The following HMCN1 variants were observed in gnomAD, a reference collection of about 807,000 sequenced individuals.
The protein encoded by HMCN1 is hemicentin 1, also known as hemicentin-1.
Under a neutral mutation model 625.9 loss-of-function variants are expected in HMCN1, and 321 were observed. That is an observed-to-expected ratio of 0.51 (90% CI 0.47 to 0.56). HMCN1 has a LOEUF of 0.56. Among genes scored for constraint, HMCN1 ranks in the 20% least tolerant of loss-of-function variants. The pLI is 0.00. For missense variants in HMCN1, 6,588 were observed against 6,887.3 expected (o/e 0.96, Z 1.54); for synonymous variants, 2,425 against 2,417.6 (o/e 1.00, Z -0.09).
intron 106 of HMCN1, 124 bp downstream of exon 106, chr1:186,188,133 T>A: frequency 8.5e-7 from 1 of 1,173,320 alleles, no homozygotes; most frequent in East Asian, 2.3e-5. Flanking sequence ...CAGGAAGATG[T>A]GGGGTTACAG....
Position 186,093,216 on chromosome 1 carries a change from C to T in HMCN1, c.9970C>T (p.Pro3324Ser), listed in dbSNP as rs752518224. The part of the protein sequence containing the change: ...TGKYTCVATN[P>S]AGEEDRIFNL... ...GAAATACACATGTGTTGCTACTAAT[C>T]CCGCTGGAGAAGAAGACCGAATTTT... Residue 3324 changes from proline to serine, a missense_variant, in exon 65 of 107, where the codon CCC (proline) becomes TCC (serine). By Grantham distance (74) the Pro-to-Ser change is moderately conservative. Coordinates refer to ENST00000271588, the MANE Select transcript of HMCN1 (RefSeq NM_031935.3). The T allele has an allele frequency of 2.7e-5, 43 of 1,613,164 alleles. 1 individual carries two copies. The South Asian group carries it at 4.0e-4, about 15-fold the overall frequency.
Position 185,925,072 on chromosome 1 carries a change from G to GA in HMCN1, c.1315dup (p.Thr439AsnfsTer16). On this transcript the variant is annotated frameshift_variant, in exon 9 of 107. Transcript: ENST00000271588. LOFTEE classifies it high-confidence loss of function. The stretch of plus-strand genomic sequence containing the variant: ...ATGCTCCCAAAGTTACGATGCCTGA[G>GA]AAAACCCCAGGATACTATCTGCAGC... The GA allele has an allele frequency of 6.2e-7, 1 of 1,613,424 alleles. No individual in the cohort carries two copies. Among genetic ancestry groups the GA allele is most frequent in the South Asian group, 1.1e-5 (1 of 91,046 alleles).
At chr1:186,103,373 C>T in intron 68 of HMCN1, 99 bp from the exon 69 acceptor site, 1 of 932,824 alleles carries the variant, frequency 1.1e-6, no homozygotes, top group South Asian at 1.4e-5. Flanking sequence ...CAATTTTTAT[C>T]ATGTGAATGT....
chr1:186,112,993 G>T, intron 72 of HMCN1, 40 bp downstream of exon 72: 1 of 1,607,908 alleles, frequency 6.2e-7, no homozygotes, highest in South Asian at 1.1e-5. Flanking sequence ...TTAAAAATCT[G>T]ACCAAGGGCA....
rs368506851 is a variant in HMCN1 at position 186,136,816 on chromosome 1, C to G, written c.13461C>G (p.Asn4487Lys). 10 of 1,614,018 alleles carry G rather than the reference C, an allele frequency of 6.2e-6. No homozygotes were observed. Among genetic ancestry groups the G allele is most frequent in the Non-Finnish European group, 8.5e-6 (10 of 1,179,960 alleles). The change falls in exon 87 of 107, where the codon AAC becomes AAG. Residue 4487 changes from asparagine (N) to lysine (K), a missense_variant. By Grantham distance (94) the Asn-to-Lys change is moderately conservative. Around this residue, in one of 3 missense-constraint regions of HMCN1, gnomAD observed 1,954 missense variants for 2,013.1 expected, o/e 0.97. Transcript: ENST00000271588. ...GHSISWDDRV[N>K]VLSNNSLYIA... ...CTATTTCCTGGGATGACCGGGTTAA[C>G]GTGTTGTCCAACAACTCATTATATA... is the stretch of plus-strand genomic sequence containing the variant.
chr1:185,999,956 C>A, intron 25 of HMCN1, 89 bp from the exon 26 acceptor site: 1 of 916,100 alleles, frequency 1.1e-6, no homozygotes, highest in South Asian at 1.6e-5. Flanking sequence ...ATTGTCATAA[C>A]AAAAACTTTA....
At chr1:185,827,443 G>T (rs1660594359) in intron 1 of HMCN1, among the ~76,000 whole-genome samples, 1 of 151,988 alleles carries the variant, frequency 6.6e-6, no homozygotes, top group Admixed American at 6.6e-5. Flanking sequence ...CAAAGAAATG[G>T]ACAGGAAAAA....
At chr1:185,947,082 A>G (rs544151695) in intron 11 of HMCN1, among the ~76,000 whole-genome samples, 1 of 152,244 alleles carries the variant, frequency 6.6e-6, no homozygotes, top group Non-Finnish European at 1.5e-5. Context: ...GGGGCGGGTA[A>G]ATCCAGCATA....
In HMCN1 at chr1:186,103,651, C is replaced by T. The variant is rs748287658; in HGVS notation, c.10753C>T (p.Arg3585Ter). Residue 3585 changes from arginine (R) to a stop codon, truncating the protein, a stop_gained, in exon 69 of 107, where the codon CGA becomes TGA. Coordinates refer to ENST00000271588, the MANE Select transcript of HMCN1 (RefSeq NM_031935.3). LOFTEE classifies it high-confidence loss of function. ...VQTLGGGEVL[R>*]ISTAQVEDTG... The stretch of plus-strand genomic sequence containing the variant: ...AACTCTAGGAGGAGGAGAGGTTCTT[C>T]GAATTTCTACTGCTCAGGTAAGTGT... 2.5e-6 allele frequency: 4 copies of T among 1,613,588 alleles called. No homozygotes were observed. The highest frequency in any genetic ancestry group is 1.1e-5 in the South Asian group (1 of 91,058).
At chr1:185,971,063 A>G (rs965364165) in intron 15 of HMCN1, among the ~76,000 whole-genome samples, 1 of 152,198 alleles carries the variant, frequency 6.6e-6, no homozygotes, top group Non-Finnish European at 1.5e-5. Context: ...AGGCTAAGCA[A>G]CTTGATCAGA....
chr1:186,162,222 C>T (rs1651543892), intron 97 of HMCN1, among the ~76,000 whole-genome samples: 1 of 152,188 alleles, frequency 6.6e-6, no homozygotes, highest in African/African-American at 2.4e-5. Flanking sequence ...GCTCCTGAGG[C>T]TTCTGCATTC....
chr1:186,043,370 T>G (rs558819203), intron 40 of HMCN1, among the ~76,000 whole-genome samples: 62 of 152,282 alleles, frequency 4.1e-4, no homozygotes, highest in African/African-American at 1.3e-3. Flanking sequence ...GTAATATATA[T>G]CCTTGGCTAT....
chr1:186,081,625 C>G (rs1485329796), intron 56 of HMCN1, among the ~76,000 whole-genome samples: 1 of 152,144 alleles, frequency 6.6e-6, no homozygotes. Context: ...ATGTTCTACA[C>G]ACACCTCAAT....
intron 36 of HMCN1, among the ~76,000 whole-genome samples, chr1:186,034,969 T>C (rs1201707031): frequency 6.6e-6 from 1 of 152,174 alleles, no homozygotes; most frequent in Non-Finnish European, 1.5e-5. Context: ...TTGTATTTCT[T>C]ATTCCCATCA....
chr1:185,845,943 GT>G, intron 1 of HMCN1, 82 bp from the exon 2 acceptor site: 1 of 852,666 alleles, frequency 1.2e-6, no homozygotes, highest in Non-Finnish European at 2.0e-6. Flanking sequence ...GTACTGCAAG[GT>G]GAAAAGACAT....
intron 4 of HMCN1, among the ~76,000 whole-genome samples, chr1:185,898,336 A>G (rs1665604451): frequency 6.6e-6 from 1 of 152,174 alleles, no homozygotes; most frequent in South Asian, 2.1e-4. Context: ...GGAAGTTGAG[A>G]GAGAGTCCTG....
chr1:185,894,169 CAAAA>C (rs1376020595), intron 4 of HMCN1, among the ~76,000 whole-genome samples: 2 of 148,650 alleles, frequency 1.3e-5, no homozygotes, highest in African/African-American at 5.2e-5. Context: ...AAAAACAAAA[CAAAA>C]AAACAGAAAA....
In HMCN1 at chr1:186,168,336, C is replaced by A. The variant is rs148740189; in HGVS notation, c.15574+1394C>A. Reference sequence around the variant, plus strand: ...GGTGCAGTGGCTGACAAATGTAATCCCAGCTACTTGGGAGGCTGAGGCAGG... The same window carrying A: ...GGTGCAGTGGCTGACAAATGTAATCACAGCTACTTGGGAGGCTGAGGCAGG... On this transcript the variant is annotated intron_variant, in intron 100 of 106. Coordinates refer to ENST00000271588, the MANE Select transcript of HMCN1 (RefSeq NM_031935.3). Among the ~76,000 whole-genome samples, 796 of 151,554 alleles carry A rather than the reference C, an allele frequency of 5.3e-3. 8 individuals are homozygous for A. Among genetic ancestry groups the A allele is most frequent in the African/African-American group, 0.018 (749 of 41,264 alleles).
intron 4 of HMCN1, among the ~76,000 whole-genome samples, chr1:185,892,503 TTCTG>T (rs1665174668): frequency 6.6e-6 from 1 of 152,088 alleles, no homozygotes; most frequent in African/African-American, 2.4e-5. Flanking sequence ...TGGATGTCCT[TTCTG>T]TCTGTTAGTT....
Sources: allele counts gnomAD v4.1 joint callset (sites outside exome capture counted in the v4.1 genomes callset), GRCh38; gene constraint gnomAD v4.1.1; regional missense constraint gnomAD v4.1.1; transcripts MANE v1.5; gene names NCBI Gene and HGNC (gene_info 2026-07-23, HGNC 2026-07-21).